Variants in SGPP2 observed in about 807,000 individuals in gnomAD.
SGPP2 encodes the protein sphingosine-1-phosphate phosphatase 2, also known as sphingosine 1-phosphate phosphohydrolase 2.
A neutral mutation model predicts 33.9 loss-of-function variants in SGPP2; 30 were observed. That is an observed-to-expected ratio of 0.89 (90% CI 0.66 to 1.20). SGPP2 has a LOEUF of 1.20. Among genes scored for constraint, SGPP2 ranks in the 50% most tolerant of loss-of-function variants. The pLI is 0.00. For synonymous variants in SGPP2, 233 were observed against 225.0 expected (o/e 1.04, Z -0.32); for missense variants, 458 against 532.1 (o/e 0.86, Z 1.37).
intron 4 of SGPP2, among the ~76,000 whole-genome samples, chr2:222,531,213 C>T (rs2395871): frequency 0.88 from 134,607 of 152,214 alleles, 59,929 homozygotes; most frequent in East Asian, 1. Context: ...AAAGTGGCAC[C>T]GATAGACTTG....
Position 222,477,785 on chromosome 2 carries a change from T to C in SGPP2, c.378+3059T>C, listed in dbSNP as rs1205978542. 6.6e-6 allele frequency among the ~76,000 whole-genome samples: 1 copy of C among 152,136 alleles called. No individual in the cohort carries two copies. The highest frequency in any genetic ancestry group is 2.4e-5 in the African/African-American group (1 of 41,398). On this transcript the variant is annotated intron_variant, in intron 2 of 4. Transcript: ENST00000321276. The surrounding 1 kb of genome is among the most constrained non-coding windows in gnomAD (Gnocchi z 6.0). ...TCTAGACTCTATAGAAGGCTGTGGC[T>C]AGGGGACACTCTCGTTGCCATTATT... is the stretch of plus-strand genomic sequence containing the variant.
At chr2:222,454,128 CT>C (rs1483607813) in intron 1 of SGPP2, among the ~76,000 whole-genome samples, 12 of 152,094 alleles carry the variant, frequency 7.9e-5, no homozygotes, top group African/African-American at 2.9e-4. Context: ...CTTTTGAATC[CT>C]TCAAAAATTT....
At chr2:222,463,183 A>G (rs1574843373) in intron 1 of SGPP2, among the ~76,000 whole-genome samples, 1 of 152,196 alleles carries the variant, frequency 6.6e-6, no homozygotes, top group Admixed American at 6.5e-5. Flanking sequence ...CACTTAGTCT[A>G]TTCCATCCCT....
At chr2:222,450,335 G>A (rs1452139773) in intron 1 of SGPP2, among the ~76,000 whole-genome samples, 5 of 152,178 alleles carry the variant, frequency 3.3e-5, no homozygotes, top group Admixed American at 3.3e-4. Context: ...TATTAACATT[G>A]TTGAAGCTCC....
chr2:222,435,622 G>T (rs905140488), intron 1 of SGPP2, among the ~76,000 whole-genome samples: 1 of 152,074 alleles, frequency 6.6e-6, no homozygotes, highest in East Asian at 1.9e-4. Flanking sequence ...ACGCCCCAAC[G>T]CAAGTACTAT....
chr2:222,526,776 C>T (rs1698764636), intron 4 of SGPP2, among the ~76,000 whole-genome samples: 1 of 152,174 alleles, frequency 6.6e-6, no homozygotes, highest in Admixed American at 6.5e-5. Flanking sequence ...GAAAACCTAA[C>T]ACCACATGTT....
chr2:222,435,617 C>G (rs1697228092), intron 1 of SGPP2, among the ~76,000 whole-genome samples: 1 of 152,140 alleles, frequency 6.6e-6, no homozygotes, highest in South Asian at 2.1e-4. Context: ...TCACCACGCC[C>G]CAACGCAAGT....
chr2:222,441,483 T>G (rs1267202248), intron 1 of SGPP2, among the ~76,000 whole-genome samples: 1 of 152,234 alleles, frequency 6.6e-6, no homozygotes, highest in Non-Finnish European at 1.5e-5. Flanking sequence ...AAAAGCAGAT[T>G]AAAAAGTAGA....
chr2:222,459,550 G>A (rs186333498), intron 1 of SGPP2, among the ~76,000 whole-genome samples: 105 of 152,118 alleles, frequency 6.9e-4, no homozygotes, highest in Non-Finnish European at 1.2e-3. Flanking sequence ...GTTTAGTATG[G>A]CAGAGTCCCA....
At chr2:222,466,249 T>C (rs1697742719) in intron 1 of SGPP2, among the ~76,000 whole-genome samples, 1 of 147,550 alleles carries the variant, frequency 6.8e-6, no homozygotes, top group East Asian at 2.0e-4. Context: ...TTTGCTGTTT[T>C]CAACTTTTTT....
At chr2:222,488,752 G>A (rs1054733227) in intron 2 of SGPP2, among the ~76,000 whole-genome samples, 2 of 152,178 alleles carry the variant, frequency 1.3e-5, no homozygotes, top group African/African-American at 4.8e-5. Flanking sequence ...GGATGTGTGT[G>A]TGTGTATGTG....
intron 2 of SGPP2, among the ~76,000 whole-genome samples, chr2:222,489,252 T>C (rs1456492966): frequency 6.6e-6 from 1 of 152,156 alleles, no homozygotes; most frequent in Non-Finnish European, 1.5e-5. Context: ...TTAAACAAAT[T>C]CTGCAAAATA....
At chr2:222,487,367 C>T (rs942278830) in intron 2 of SGPP2, among the ~76,000 whole-genome samples, 21 of 152,126 alleles carry the variant, frequency 1.4e-4, no homozygotes, top group South Asian at 1.0e-3. Flanking sequence ...AATTGTAGTT[C>T]GGCCTTTACT....
chr2:222,460,109 G>A lies in SGPP2; in HGVS notation c.220-14459G>A, dbSNP rs1697636404. 6.6e-6 allele frequency among the ~76,000 whole-genome samples: 1 copy of A among 152,198 alleles called. No individual in the cohort carries two copies. The highest frequency in any genetic ancestry group is 2.4e-5 in the African/African-American group (1 of 41,446). On this transcript the variant is annotated intron_variant, in intron 1 of 4. Transcript: ENST00000321276. The surrounding 1 kb of genome is among the most constrained non-coding windows in gnomAD (Gnocchi z 4.3). ...AAACCCAGGGCCTCCGGGTTTGCTC[G>A]GGGTGGGCATTGCACAGCCTGTGGC...
chr2:222,548,170 A>G (rs545576988), intron 4 of SGPP2, among the ~76,000 whole-genome samples: 1 of 152,368 alleles, frequency 6.6e-6, no homozygotes, highest in East Asian at 1.9e-4. Flanking sequence ...ATCATTAATC[A>G]ATAGTAAACA....
intron 1 of SGPP2, among the ~76,000 whole-genome samples, chr2:222,464,998 A>G (rs1175584717): frequency 6.6e-6 from 1 of 152,244 alleles, no homozygotes; most frequent in East Asian, 1.9e-4. Flanking sequence ...CAAGAGGAAA[A>G]CAGTTCAAAT....
intron 1 of SGPP2, chr2:222,452,260 A>G (rs1423251013): frequency 2.2e-6 from 1 of 462,344 alleles, no homozygotes; most frequent in African/African-American, 2.0e-5. Context: ...ACCCTCCATC[A>G]TATTGACTGG....
At chr2:222,495,635 A>C (rs559961628) in intron 2 of SGPP2, among the ~76,000 whole-genome samples, 50 of 152,262 alleles carry the variant, frequency 3.3e-4, no homozygotes, top group Non-Finnish European at 2.5e-4. Context: ...GTTCCAAGAA[A>C]GGATTTACTA....
intron 4 of SGPP2, among the ~76,000 whole-genome samples, chr2:222,552,224 C>T (rs1311281766): frequency 1.3e-5 from 2 of 151,964 alleles, no homozygotes; most frequent in African/African-American, 4.8e-5. Flanking sequence ...GGGTGGATAC[C>T]CAGTAGTGGG....
Sources: allele counts gnomAD v4.1 joint callset (sites outside exome capture counted in the v4.1 genomes callset), GRCh38; gene constraint gnomAD v4.1.1; non-coding constraint Gnocchi (gnomAD v3.1); transcripts MANE v1.5; gene names NCBI Gene and HGNC (gene_info 2026-07-23, HGNC 2026-07-21).